The following UBE2D3 variants were observed in gnomAD, a reference collection of about 807,000 sequenced individuals.
UBE2D3 encodes ubiquitin conjugating enzyme E2 D3.
UBE2D3 carries 2 observed loss-of-function variants against 22.8 expected under a neutral mutation model. That is an observed-to-expected ratio of 0.09 (90% CI 0.04 to 0.28). The LOEUF (loss-of-function observed/expected upper bound fraction) is 0.28. Ranked by LOEUF, UBE2D3 falls within the 10% of genes least tolerant of loss-of-function variation. The pLI is 1.00. For missense variants in UBE2D3, 27 were observed against 182.5 expected, an observed-to-expected ratio of 0.15 and a Z score of 4.91; for synonymous variants, 56 against 60.4, an observed-to-expected ratio of 0.93 and a Z score of 0.34.
intron 4 of UBE2D3, among the ~76,000 whole-genome samples, chr4:102,807,225 A>G (rs1241207619): frequency 6.6e-6 from 1 of 152,194 alleles, no homozygotes; most frequent in East Asian, 1.9e-4. Context: ...ACTGCTTGCT[A>G]CATAGAGCAA....
intron 2 of UBE2D3, among the ~76,000 whole-genome samples, chr4:102,815,055 T>A (rs181932637): frequency 1.1e-3 from 171 of 152,264 alleles, no homozygotes; most frequent in African/African-American, 3.9e-3. Context: ...AATTTTCTTT[T>A]TTTTGGAGAT....
chr4:102,811,612 G>C lies in UBE2D3; in HGVS notation c.25-1757C>G, dbSNP rs1044519614. ...AGGAGAATCACTTGAACCTGGGAGG[G>C]AGAGGCTGCAGATCGCGCCACTGCA... is the stretch of plus-strand genomic sequence containing the variant. On this transcript the variant is annotated intron_variant, in intron 2 of 7. Transcript: ENST00000453744. The C allele has an allele frequency of 2.0e-5, 6 of 306,624 alleles. No homozygotes were observed. The East Asian group carries it at 3.2e-4, about 16-fold the overall frequency. The allele number at this position is 306,624 out of a possible 1,614,324, so 19.0% of individuals were successfully genotyped here.
chr4:102,807,889 T>C (rs2110275743), intron 4 of UBE2D3, among the ~76,000 whole-genome samples: 1 of 152,320 alleles, frequency 6.6e-6, no homozygotes. Context: ...GTCTAAACTG[T>C]CAAGCAGAAA....
chr4:102,797,796 G>C (rs904519012), intron 7 of UBE2D3, among the ~76,000 whole-genome samples: 3 of 151,728 alleles, frequency 2.0e-5, no homozygotes, highest in Admixed American at 6.6e-5. Flanking sequence ...GTTCATTATG[G>C]ACAAATGTTA....
chr4:102,828,142 G>A (rs1038808688), upstream of UBE2D3: 1 of 985,498 alleles, frequency 1.0e-6, no homozygotes, highest in Non-Finnish European at 1.2e-6. Flanking sequence ...GCCCCTGAAT[G>A]CTTATGCCGG....
At chr4:102,856,083 T>C (rs977569925) in intron 1 of UBE2D3, among the ~76,000 whole-genome samples, 2 of 152,146 alleles carry the variant, frequency 1.3e-5, no homozygotes, top group Non-Finnish European at 2.9e-5. Flanking sequence ...ATAAGGATCA[T>C]AGCTGGGCAT....
intron 4 of UBE2D3, chr4:102,809,235 A>G: frequency 3.9e-6 from 1 of 259,384 alleles, no homozygotes; most frequent in Admixed American, 4.4e-5. Flanking sequence ...TTTTGCATAA[A>G]CTGAAGTTCT....
At position 102,801,515 on chromosome 4, in the gene UBE2D3, A is replaced by G. The variant is rs771497358; in HGVS notation, c.243T>C (p.Asn81=). The change falls in exon 6 of 8, where the codon AAT becomes AAC. Residue 81 remains asparagine (N), a synonymous_variant. Transcript: ENST00000453744. ...TTAGAATATCGAGACAAATGCTGCC[A>G]TTACTGTTAATATTTGGATGATAAA... ...TRIYHPNINS[N]GSICLDILRS... 6.2e-7 allele frequency: 1 copy of G among 1,609,776 alleles called. No homozygotes were observed. Among genetic ancestry groups the G allele is most frequent in the Non-Finnish European group, 8.5e-7 (1 of 1,178,362 alleles).
chr4:102,863,104 G>T (rs1335043420), intron 1 of UBE2D3, among the ~76,000 whole-genome samples: 3 of 151,730 alleles, frequency 2.0e-5, no homozygotes, highest in Non-Finnish European at 2.9e-5. Context: ...ATGCTGGAGT[G>T]CAGTGGCACA....
chr4:102,799,846 C>G (rs1330905522), intron 6 of UBE2D3, among the ~76,000 whole-genome samples: 1 of 127,432 alleles, frequency 7.8e-6, no homozygotes, highest in African/African-American at 3.0e-5. Context: ...GGGGGGGGGA[C>G]TTTAGCAAGA....
intron 1 of UBE2D3, chr4:102,827,032 C>G: frequency 1.0e-6 from 1 of 992,616 alleles, no homozygotes; most frequent in South Asian, 4.4e-5. Flanking sequence ...GGGCTGCTTT[C>G]GGTTTCTGTC....
intron 2 of UBE2D3, among the ~76,000 whole-genome samples, chr4:102,815,568 G>A (rs1029388312): frequency 1.3e-5 from 2 of 151,820 alleles, no homozygotes; most frequent in African/African-American, 4.8e-5. Flanking sequence ...ATGAGTTTTC[G>A]GCACACTGAT....
chr4:102,826,659 C>T (rs573600054), intron 1 of UBE2D3, 23 bp from the exon 2 acceptor site: 1 of 1,545,512 alleles, frequency 6.5e-7, no homozygotes, highest in African/African-American at 1.4e-5. Context: ...CGGAGCAGAT[C>T]AGCACTCGCA....
In UBE2D3 at chr4:102,826,614, C is replaced by A. The variant is rs371798304; in HGVS notation, c.-106G>T. The A allele has an allele frequency of 1.7e-5, 27 of 1,590,800 alleles. No homozygotes were observed. The South Asian group carries it at 2.9e-4, about 17-fold the overall frequency. The stretch of plus-strand genomic sequence containing the variant: ...CGGGGCAGGATTGTCTCGTCTCACA[C>A]CAGCTCTGCCAGACACAGGCGCCTT... On this transcript the variant is annotated 5_prime_UTR_variant, in exon 2 of 8. Coordinates refer to ENST00000453744, the MANE Select transcript of UBE2D3 (RefSeq NM_181891.3).
intron 7 of UBE2D3, chr4:102,798,994 A>G (rs754069718): frequency 6.2e-7 from 1 of 1,602,270 alleles, no homozygotes; most frequent in Non-Finnish European, 8.5e-7. Flanking sequence ...GAACAAGTAC[A>G]CTTAGCATTA....
upstream of UBE2D3, among the ~76,000 whole-genome samples, chr4:102,829,893 C>T (rs1471909901): frequency 6.6e-6 from 1 of 151,978 alleles, no homozygotes; most frequent in East Asian, 1.9e-4. Context: ...GGGCCAAGAT[C>T]ACTGCGACAG....
In UBE2D3 at chr4:102,865,491, CAAAAAAA is replaced by C. The variant is rs10604973; in HGVS notation, c.-129+3217_-129+3223del. Among the ~76,000 whole-genome samples, 5 of 66,734 alleles carry C rather than the reference CAAAAAAA, an allele frequency of 7.5e-5. No individual in the cohort carries two copies. In the South Asian group the frequency reaches 2.6e-3, roughly 35 times the overall value. 43.8% of individuals were successfully genotyped at this position (66,734 alleles called of 152,430 possible). A position where few individuals can be genotyped will look rare whatever the true frequency, so the allele number is the denominator to read the frequency against. On this transcript the variant is annotated intron_variant, in intron 1 of 7. Coordinates refer to the UBE2D3 transcript ENST00000338145. ...TGGGCAACAGAGACTCTGTCTCAAC[CAAAAAAA>C]AAAAAAAAAAAGACATACACTAGGA...
rs1037416659 is a variant in UBE2D3, at chr4:102,826,869, G to A, written c.-128-233C>T. The stretch of plus-strand genomic sequence containing the variant: ...TCTAGAAAGGAAGAGACCCGGGTGG[G>A]AGAGGAAGAGGCGTAGGAGAAAGGG... On this transcript the variant is annotated intron_variant, in intron 1 of 7. Transcript: ENST00000453744. 7.3e-6 allele frequency: 8 copies of A among 1,094,518 alleles called. No individual in the cohort carries two copies. In the African/African-American group the frequency reaches 1.0e-4, roughly 14 times the overall value. The allele number at this position is 1,094,518 out of a possible 1,614,324, so 67.8% of individuals were successfully genotyped here.
At chr4:102,822,762 T>TGCCTCTACTAAAAAAAACAAAAAAATTA (rs1553963769) in intron 2 of UBE2D3, among the ~76,000 whole-genome samples, 256 of 147,386 alleles carry the variant, frequency 1.7e-3, no homozygotes, top group Middle Eastern at 0.017. Context: ...GGTGAAACCC[T>TGCCTCTACTAAAAAAAACAAAAAAATTA]GCCTCTACTA....
Sources: gnomAD v4.1 joint callset for allele counts (sites outside exome capture counted in the v4.1 genomes callset) on GRCh38, gnomAD v4.1.1 for gene constraint, MANE v1.5 for transcripts, NCBI Gene and HGNC (gene_info 2026-07-23, HGNC 2026-07-21) for gene names.